Variants in LSAMP observed in about 807,000 individuals in gnomAD.
LSAMP encodes the protein limbic system-associated membrane protein.
In LSAMP, 7 loss-of-function variants were observed where a neutral mutation model predicts 38.6. The observed-to-expected ratio is 0.18, with a 90% CI of 0.10 to 0.34. LSAMP has a LOEUF of 0.34. Ranked by LOEUF, LSAMP falls within the 10% of genes least tolerant of loss-of-function variation. The probability of loss-of-function intolerance (pLI) is 1.00; values close to 1 mark genes in which losing one functional copy is unlikely to be tolerated. For synonymous variants in LSAMP, 154 were observed against 166.8 expected (o/e 0.92, Z 0.59); for missense variants, 313 against 420.0 (o/e 0.75, Z 2.23).
At chr3:116,249,619 C>G (rs1026890100) in intron 1 of LSAMP, among the ~76,000 whole-genome samples, 1 of 151,666 alleles carries the variant, frequency 6.6e-6, no homozygotes, top group Non-Finnish European at 1.5e-5. Flanking sequence ...CTCCTGACCT[C>G]GTGATCCGCC....
intron 3 of LSAMP, among the ~76,000 whole-genome samples, chr3:115,961,010 A>G (rs987767267): frequency 1.3e-5 from 2 of 152,178 alleles, no homozygotes; most frequent in Admixed American, 1.3e-4. Flanking sequence ...TGCTCTGTGC[A>G]AGCCACATTA....
intron 1 of LSAMP, among the ~76,000 whole-genome samples, chr3:116,415,055 C>CTT: frequency 6.6e-6 from 1 of 151,930 alleles, no homozygotes; most frequent in South Asian, 2.1e-4. Context: ...AAAGATTTTG[C>CTT]TTACCTCTGC....
intron 1 of LSAMP, among the ~76,000 whole-genome samples, chr3:116,194,695 C>T (rs1351337502): frequency 2.0e-5 from 3 of 152,126 alleles, no homozygotes; most frequent in Admixed American, 6.5e-5. Context: ...CGTACCCGGC[C>T]GGGGGATTCC....
chr3:116,429,822 G>A (rs756701717), intron 1 of LSAMP, among the ~76,000 whole-genome samples: 1 of 152,140 alleles, frequency 6.6e-6, no homozygotes, highest in Non-Finnish European at 1.5e-5. Context: ...TTACTCTTTG[G>A]GGGAGTAAAG....
chr3:116,178,041 G>T (rs1192178791), intron 1 of LSAMP, among the ~76,000 whole-genome samples: 1 of 152,106 alleles, frequency 6.6e-6, no homozygotes, highest in East Asian at 1.9e-4. Flanking sequence ...TGAAAGCAGG[G>T]TTAGTAGGTA....
Position 116,014,025 on chromosome 3 carries a change from T to C in LSAMP, c.514+5490A>G, listed in dbSNP as rs375969275. On this transcript the variant is annotated intron_variant, in intron 3 of 6. Coordinates refer to ENST00000490035, the MANE Select transcript of LSAMP (RefSeq NM_002338.5). ...TGTTTTATGGTCTCATTGAATGCCATAATTTTTCCTCATAATGAATCTAAT... is the reference window on the plus strand; with the variant it reads ...TGTTTTATGGTCTCATTGAATGCCACAATTTTTCCTCATAATGAATCTAAT... 2.6e-5 allele frequency among the ~76,000 whole-genome samples: 4 copies of C among 152,302 alleles called. 1 individual carries two copies. The highest frequency in any genetic ancestry group is 9.6e-5 in the African/African-American group (4 of 41,580).
intron 3 of LSAMP, among the ~76,000 whole-genome samples, chr3:115,873,692 T>C (rs1045738858): frequency 1.8e-4 from 27 of 152,156 alleles, no homozygotes; most frequent in African/African-American, 6.0e-4. Context: ...AGAAAATCTC[T>C]ATAATTTAGT....
At chr3:115,862,416 C>T (rs980956941) in intron 3 of LSAMP, among the ~76,000 whole-genome samples, 18 of 152,276 alleles carry the variant, frequency 1.2e-4, no homozygotes, top group South Asian at 4.1e-4. Context: ...ACAATAACCC[C>T]GTCTAGCCCT....
intron 1 of LSAMP, among the ~76,000 whole-genome samples, chr3:116,379,014 C>G (rs993181362): frequency 6.6e-6 from 1 of 151,268 alleles, no homozygotes. Context: ...CACACACACA[C>G]ACACACACAC....
intron 1 of LSAMP, among the ~76,000 whole-genome samples, chr3:116,155,105 A>C (rs1709714358): frequency 1.3e-5 from 2 of 152,030 alleles, no homozygotes; most frequent in East Asian, 3.9e-4. Context: ...ATAACACCAG[A>C]CACTTCTGGG....
intron 1 of LSAMP, among the ~76,000 whole-genome samples, chr3:116,195,468 T>C (rs962720519): frequency 3.3e-5 from 5 of 152,182 alleles, no homozygotes; most frequent in East Asian, 1.9e-4. Context: ...AGCCAATATA[T>C]ACAATTCAAC....
In LSAMP at chr3:115,866,339, C is replaced by T. The variant is rs183613539; in HGVS notation, c.515-13722G>A. 2.8e-4 allele frequency among the ~76,000 whole-genome samples: 42 copies of T among 152,240 alleles called. No homozygotes were observed. The East Asian group carries it at 7.0e-3, about 25-fold the overall frequency. On this transcript the variant is annotated intron_variant, in intron 3 of 6. Coordinates refer to ENST00000490035, the MANE Select transcript of LSAMP (RefSeq NM_002338.5). ...GATCTCAACTCCCAATTGTGGGTTA[C>T]CCTTTTCTTTCCTCTCCATCCTACA... is the stretch of plus-strand genomic sequence containing the variant.
chr3:116,200,113 C>G (rs2045969878), intron 1 of LSAMP, among the ~76,000 whole-genome samples: 1 of 151,532 alleles, frequency 6.6e-6, no homozygotes, highest in Non-Finnish European at 1.5e-5. Context: ...CACACACACA[C>G]ACACACACAC....
intron 3 of LSAMP, among the ~76,000 whole-genome samples, chr3:115,950,958 G>A (rs1007468868): frequency 6.6e-6 from 1 of 152,008 alleles, no homozygotes; most frequent in African/African-American, 2.4e-5. Context: ...AATATTTACA[G>A]TCAAATAAAG....
intron 6 of LSAMP, among the ~76,000 whole-genome samples, chr3:115,827,766 C>T (rs1399048656): frequency 6.6e-6 from 1 of 152,136 alleles, no homozygotes; most frequent in East Asian, 1.9e-4. Flanking sequence ...AGTCTGCCTA[C>T]TCCCATCATA....
intron 1 of LSAMP, among the ~76,000 whole-genome samples, chr3:116,215,830 C>G (rs115823662): frequency 6.6e-6 from 1 of 152,004 alleles, no homozygotes; most frequent in Non-Finnish European, 1.5e-5. Flanking sequence ...AACAGAGGCA[C>G]GAAGAAATTG....
chr3:116,006,450 G>A (rs1940164054), intron 3 of LSAMP, among the ~76,000 whole-genome samples: 1 of 152,278 alleles, frequency 6.6e-6, no homozygotes, highest in East Asian at 1.9e-4. Flanking sequence ...ATAGCCCACA[G>A]CTGATGGATA....
At chr3:115,997,843 ATATT>A (rs1939868463) in intron 3 of LSAMP, among the ~76,000 whole-genome samples, 1 of 145,660 alleles carries the variant, frequency 6.9e-6, no homozygotes, top group South Asian at 2.1e-4. Flanking sequence ...ATTAGAATAT[ATATT>A]ATGTATTTTA....
chr3:115,869,525 T>C (rs1935965006), intron 3 of LSAMP, among the ~76,000 whole-genome samples: 1 of 152,182 alleles, frequency 6.6e-6, no homozygotes, highest in South Asian at 2.1e-4. Flanking sequence ...TATCATTATA[T>C]TGATAACAAT....
Sources: allele counts gnomAD v4.1 joint callset (sites outside exome capture counted in the v4.1 genomes callset), GRCh38; gene constraint gnomAD v4.1.1; transcripts MANE v1.5; gene names NCBI Gene and HGNC (gene_info 2026-07-23, HGNC 2026-07-21).